The following PLCB1 variants were observed in gnomAD, a reference collection of about 807,000 sequenced individuals.
The protein encoded by PLCB1 is 1-phosphatidylinositol 4,5-bisphosphate phosphodiesterase beta-1.
In PLCB1, 46 loss-of-function variants were observed where a neutral mutation model predicts 161.8. That is an observed-to-expected ratio of 0.28 (90% CI 0.22 to 0.36). The LOEUF (loss-of-function observed/expected upper bound fraction) is 0.36. Among genes scored for constraint, PLCB1 ranks in the 10% least tolerant of loss-of-function variants. The pLI is 1.00. For synonymous variants in PLCB1, 517 were observed against 503.7 expected (o/e 1.03, Z -0.35); for missense variants, 1,016 against 1,472.5 (o/e 0.69, Z 5.07).
chr20:8,873,161 G>GGTCCCATTTTCCCACAT (rs55878098), intron 31 of PLCB1, among the ~76,000 whole-genome samples: 50,262 of 151,872 alleles, frequency 0.33, 8,419 homozygotes, highest in South Asian at 0.5. Flanking sequence ...TATAGCATGT[G>GGTCCCATTTTCCCACAT]GTCACTTTCC....
chr20:8,364,359 G>GATATGGATA (rs1210451056), intron 2 of PLCB1, among the ~76,000 whole-genome samples: 4 of 152,306 alleles, frequency 2.6e-5, no homozygotes, highest in Non-Finnish European at 2.9e-5. Flanking sequence ...ATAACATTCA[G>GATATGGATA]ACTGGAGAAT....
chr20:8,716,820 T>C (rs1979342758), intron 13 of PLCB1, among the ~76,000 whole-genome samples: 6 of 152,200 alleles, frequency 3.9e-5, no homozygotes, highest in Admixed American at 3.9e-4. Flanking sequence ...ATTGATGATA[T>C]CTCTGCTTTG....
intron 2 of PLCB1, among the ~76,000 whole-genome samples, chr20:8,177,599 C>A (rs2123081637): frequency 6.6e-6 from 1 of 151,908 alleles, no homozygotes; most frequent in South Asian, 2.1e-4. Context: ...ATGAAGGGTG[C>A]TATGCAGGGC....
At chr20:8,191,164 A>G (rs2051965914) in intron 2 of PLCB1, among the ~76,000 whole-genome samples, 1 of 151,874 alleles carries the variant, frequency 6.6e-6, no homozygotes, top group South Asian at 2.1e-4. Flanking sequence ...TTATGGGTAC[A>G]TAGTAGGTTT....
chr20:8,349,970 A>T (rs1247830095), intron 2 of PLCB1, among the ~76,000 whole-genome samples: 2 of 152,152 alleles, frequency 1.3e-5, no homozygotes, highest in African/African-American at 4.8e-5. Flanking sequence ...AGAGTCTATT[A>T]AAAAAAACTT....
chr20:8,353,881 A>G (rs1255007913), intron 2 of PLCB1, among the ~76,000 whole-genome samples: 1 of 152,138 alleles, frequency 6.6e-6, no homozygotes, highest in Non-Finnish European at 1.5e-5. Context: ...AAGTATCAAT[A>G]TTGGTATATT....
chr20:8,681,994 G>A (rs926091547), intron 9 of PLCB1, among the ~76,000 whole-genome samples: 21 of 152,126 alleles, frequency 1.4e-4, no homozygotes, highest in African/African-American at 3.9e-4. Flanking sequence ...AAAGGTGCTC[G>A]TGCCTGGGTT....
chr20:8,539,629 T>TTTCTTTCTTTCTTTCC (rs1568499390), intron 3 of PLCB1, among the ~76,000 whole-genome samples: 10 of 80,284 alleles, frequency 1.2e-4, no homozygotes, highest in South Asian at 1.1e-3. Context: ...TCTTTCTTTC[T>TTTCTTTCTTTCTTTCC]TTCTTTCTTT....
At chr20:8,698,253 CCTGA>C (rs1179648228) in intron 11 of PLCB1, among the ~76,000 whole-genome samples, 1 of 152,156 alleles carries the variant, frequency 6.6e-6, no homozygotes, top group East Asian at 1.9e-4. Flanking sequence ...TGACTACCAT[CCTGA>C]CTATTACAGT....
At chr20:8,376,903 G>C (rs1987105611) in intron 3 of PLCB1, among the ~76,000 whole-genome samples, 1 of 151,858 alleles carries the variant, frequency 6.6e-6, no homozygotes, top group African/African-American at 2.4e-5. Flanking sequence ...CCTCCAGCCT[G>C]GGCGACAGAG....
chr20:8,178,512 T>C (rs1396555391), intron 2 of PLCB1, among the ~76,000 whole-genome samples: 1 of 152,200 alleles, frequency 6.6e-6, no homozygotes, highest in Non-Finnish European at 1.5e-5. Flanking sequence ...TCTTGTTAAT[T>C]TAAATTTGTT....
intron 2 of PLCB1, among the ~76,000 whole-genome samples, chr20:8,247,256 G>A (rs989136138): frequency 6.6e-6 from 1 of 151,814 alleles, no homozygotes; most frequent in African/African-American, 2.4e-5. Context: ...AGATGCATGG[G>A]TTTCTTATTT....
chr20:8,539,653 T>TTTCC (rs966561955), intron 3 of PLCB1, among the ~76,000 whole-genome samples: 9 of 91,614 alleles, frequency 9.8e-5, no homozygotes, highest in Admixed American at 5.4e-4. Context: ...TCTTTCTTTC[T>TTTCC]TTCTTTCTTT....
intron 2 of PLCB1, among the ~76,000 whole-genome samples, chr20:8,209,629 A>C (rs960279633): frequency 1.3e-5 from 2 of 152,188 alleles, no homozygotes; most frequent in Admixed American, 6.6e-5. Context: ...TCTGTTGGGA[A>C]AGAAGAACTA....
intron 26 of PLCB1, among the ~76,000 whole-genome samples, chr20:8,766,176 G>A (rs758425898): frequency 1.3e-5 from 2 of 152,142 alleles, no homozygotes; most frequent in Non-Finnish European, 2.9e-5. Flanking sequence ...TGGGGACACA[G>A]CAATAAACAT....
intron 3 of PLCB1, among the ~76,000 whole-genome samples, chr20:8,541,562 G>GAGAA (rs11467115): frequency 0.067 from 7,667 of 114,366 alleles, 318 homozygotes; most frequent in East Asian, 0.12. Flanking sequence ...AAGGAAGAAA[G>GAGAA]AGAAAGAAAG....
intron 2 of PLCB1, among the ~76,000 whole-genome samples, chr20:8,216,640 G>T (rs993515495): frequency 2.6e-5 from 4 of 152,070 alleles, no homozygotes; most frequent in African/African-American, 9.7e-5. Flanking sequence ...AGTTTCCTGG[G>T]AAGTAGAAGA....
intron 3 of PLCB1, among the ~76,000 whole-genome samples, chr20:8,524,604 T>C (rs933022212): frequency 1.3e-5 from 2 of 152,120 alleles, no homozygotes; most frequent in Non-Finnish European, 2.9e-5. Flanking sequence ...TATTTATAAG[T>C]CTAGTTGAGT....
intron 1 of PLCB1, among the ~76,000 whole-genome samples, chr20:8,136,827 G>T (rs1038787698): frequency 1.8e-4 from 28 of 152,012 alleles, no homozygotes; most frequent in African/African-American, 6.5e-4. Context: ...TAAAAATCCA[G>T]GTGTTTCACG....
Sources: gnomAD v4.1 joint callset for allele counts (sites outside exome capture counted in the v4.1 genomes callset) on GRCh38, gnomAD v4.1.1 for gene constraint, MANE v1.5 for transcripts, NCBI Gene and HGNC (gene_info 2026-07-23, HGNC 2026-07-21) for gene names.